Variants in ZNF536 observed in about 807,000 individuals in gnomAD.
ZNF536 encodes zinc finger protein 536.
ZNF536 carries 13 observed loss-of-function variants against 84.5 expected under a neutral mutation model. That is an observed-to-expected ratio of 0.15 (90% CI 0.10 to 0.24). ZNF536 has a LOEUF of 0.24. ZNF536 is among the 10% of genes least tolerant of loss of function. The pLI is 1.00. For missense variants in ZNF536, 1,536 were observed against 1,747.5 expected, an observed-to-expected ratio of 0.88 and a Z score of 2.16; for synonymous variants, 811 against 742.5, an observed-to-expected ratio of 1.09 and a Z score of -1.50.
chr19:30,292,591 G>T (rs949003045), intron 2 of ZNF536, among the ~76,000 whole-genome samples: 1 of 152,072 alleles, frequency 6.6e-6, no homozygotes, highest in Non-Finnish European at 1.5e-5. Context: ...AAAGTGCTAG[G>T]GTTATAGGCA....
At chr19:30,493,131 G>T in intron 2 of ZNF536, among the ~76,000 whole-genome samples, 1 of 103,528 alleles carries the variant, frequency 9.7e-6, no homozygotes, top group African/African-American at 4.0e-5. Context: ...ATCCCTCAGT[G>T]CACATAGTTC....
At chr19:30,427,285 A>C (rs1431735853) in intron 1 of ZNF536, among the ~76,000 whole-genome samples, 2 of 152,180 alleles carry the variant, frequency 1.3e-5, no homozygotes, top group Non-Finnish European at 2.9e-5. Flanking sequence ...CATTCATGGG[A>C]TGCAGAGATG....
chr19:30,478,990 T>A (rs2053964262), intron 2 of ZNF536, among the ~76,000 whole-genome samples: 2 of 152,208 alleles, frequency 1.3e-5, no homozygotes, highest in Non-Finnish European at 2.9e-5. Context: ...GAGTTACTCA[T>A]CACTGTCCAA....
chr19:30,430,731 G>C (rs2051419961), intron 1 of ZNF536, among the ~76,000 whole-genome samples: 1 of 152,216 alleles, frequency 6.6e-6, no homozygotes, highest in Non-Finnish European at 1.5e-5. Flanking sequence ...CTAGAGTGCA[G>C]TGGTGCAATC....
chr19:30,312,319 G>T (rs1286786624), intron 2 of ZNF536, among the ~76,000 whole-genome samples: 2 of 152,062 alleles, frequency 1.3e-5, no homozygotes, highest in African/African-American at 4.8e-5. Context: ...GGAAGAGGGG[G>T]ACGCGCCACA....
intron 2 of ZNF536, among the ~76,000 whole-genome samples, chr19:30,300,195 C>G (rs540133914): frequency 2.0e-5 from 3 of 152,146 alleles, no homozygotes; most frequent in Admixed American, 2.0e-4. Flanking sequence ...CATTTCCCCC[C>G]GTCCCACCCC....
intron 1 of ZNF536, among the ~76,000 whole-genome samples, chr19:30,391,691 G>A (rs931438463): frequency 2.2e-5 from 3 of 137,940 alleles, no homozygotes; most frequent in African/African-American, 8.0e-5. Context: ...AGCGATCTGA[G>A]AAAGACCAAG....
chr19:30,543,366 C>G (rs2045409675), intron 3 of ZNF536, among the ~76,000 whole-genome samples: 2 of 152,214 alleles, frequency 1.3e-5, no homozygotes, highest in East Asian at 1.9e-4. Context: ...AGATGGGACT[C>G]ATTTATGGCC....
chr19:30,431,453 G>A (rs539328335), intron 1 of ZNF536, among the ~76,000 whole-genome samples: 3 of 152,300 alleles, frequency 2.0e-5, no homozygotes, highest in Admixed American at 6.5e-5. Context: ...CTTACTTACC[G>A]GATGATGTGT....
intron 1 of ZNF536, among the ~76,000 whole-genome samples, chr19:30,376,707 T>C (rs879374153): frequency 6.6e-6 from 1 of 152,190 alleles, no homozygotes; most frequent in Non-Finnish European, 1.5e-5. Flanking sequence ...CTCAGCTCCA[T>C]GGTGTGGGTT....
At chr19:30,419,032 C>T (rs1032402261) in intron 1 of ZNF536, among the ~76,000 whole-genome samples, 4 of 152,176 alleles carry the variant, frequency 2.6e-5, no homozygotes, top group African/African-American at 9.7e-5. Flanking sequence ...CAATAGCATT[C>T]AGAAGAGTGT....
intron 1 of ZNF536, among the ~76,000 whole-genome samples, chr19:30,248,224 C>CTTTTTTTTTTTTTTTTTT (rs58799737): frequency 7.6e-6 from 1 of 131,004 alleles, no homozygotes; most frequent in African/African-American, 2.9e-5. Flanking sequence ...TCTTTTCTTT[C>CTTTTTTTTTTTTTTTTTT]TTTTTTTTTT....
At chr19:30,418,795 A>G (rs542074261) in intron 1 of ZNF536, among the ~76,000 whole-genome samples, 3 of 152,316 alleles carry the variant, frequency 2.0e-5, no homozygotes, top group Admixed American at 2.0e-4. Context: ...AGATACTTGA[A>G]TTGTTATAAT....
intron 2 of ZNF536, among the ~76,000 whole-genome samples, chr19:30,322,518 C>T (rs539912612): frequency 2.0e-5 from 3 of 152,232 alleles, no homozygotes; most frequent in South Asian, 2.1e-4. Context: ...GGGAGGGCTG[C>T]GTGTGTTACA....
At chr19:30,677,056 CT>C (rs753579323) in intron 1 of ZNF536, among the ~76,000 whole-genome samples, 1 of 152,168 alleles carries the variant, frequency 6.6e-6, no homozygotes, top group Non-Finnish European at 1.5e-5. Flanking sequence ...GGCGTGATGC[CT>C]TTTCTACAAT....
chr19:30,693,025 A>G lies in ZNF536; in HGVS notation c.170-17732A>G, dbSNP rs113296582. Among the ~76,000 whole-genome samples, 486 of 125,886 alleles carry G rather than the reference A, an allele frequency of 3.9e-3. 5 individuals carry two copies. Among genetic ancestry groups the G allele is most frequent in the South Asian group, 0.035 (136 of 3,934 alleles). 82.6% of individuals were successfully genotyped at this position (125,886 alleles called of 152,430 possible). A position where few individuals can be genotyped will look rare whatever the true frequency, so the allele number is the denominator to read the frequency against. On this transcript the variant is annotated intron_variant, in intron 1 of 1. Transcript: ENST00000592773. ...TTAGCAGCTCCAAAACCTGGGGGGG[A>G]GAGAGAGAGAGAGAGAGAGAGAGAG...
In ZNF536 at chr19:30,642,350, G is replaced by C. The variant is rs75889883; in HGVS notation, c.170-68407G>C. Among the ~76,000 whole-genome samples, 1,468 of 152,300 alleles carry C rather than the reference G, an allele frequency of 9.6e-3. 18 individuals are homozygous for C. Among genetic ancestry groups the C allele is most frequent in the Non-Finnish European group, 0.013 (872 of 68,032 alleles). ...TTCAACCAGGGGGTTTGAGGGTCTT[G>C]TTGCAGGAAAGTTCTTCTAGTCAAT... On this transcript the variant is annotated intron_variant, in intron 1 of 1. Coordinates refer to the ZNF536 transcript ENST00000592773.
chr19:30,265,600 T>C (rs2025467786), intron 1 of ZNF536, among the ~76,000 whole-genome samples: 1 of 152,144 alleles, frequency 6.6e-6, no homozygotes, highest in African/African-American at 2.4e-5. Flanking sequence ...AGGGGCTGAA[T>C]TGCCTGTGGT....
At chr19:30,315,612 A>C (rs1236379243) in intron 2 of ZNF536, among the ~76,000 whole-genome samples, 5 of 152,232 alleles carry the variant, frequency 3.3e-5, no homozygotes, top group African/African-American at 1.2e-4. Flanking sequence ...ATTTCACTGA[A>C]TTACGAAAGT....
Sources: allele counts gnomAD v4.1 joint callset (sites outside exome capture counted in the v4.1 genomes callset), GRCh38; gene constraint gnomAD v4.1.1; transcripts MANE v1.5; gene names NCBI Gene and HGNC (gene_info 2026-07-23, HGNC 2026-07-21).